Variants in NIPA2 observed in about 807,000 individuals in gnomAD.
NIPA2 encodes the protein magnesium transporter NIPA2.
A neutral mutation model predicts 29.7 loss-of-function variants in NIPA2; 11 were observed. That is an observed-to-expected ratio of 0.37 (90% CI 0.23 to 0.61). The LOEUF is 0.61. Ranked by LOEUF, NIPA2 falls within the 20% of genes least tolerant of loss-of-function variation. NIPA2 has a pLI of 0.66. For synonymous variants in NIPA2, 183 were observed against 161.9 expected, an observed-to-expected ratio of 1.13 and a Z score of -0.99; for missense variants, 426 against 437.9, an observed-to-expected ratio of 0.97 and a Z score of 0.24.
At chr15:22,851,583 C>T (rs1294049120) in intron 3 of NIPA2, 56 bp from the exon 4 acceptor site, 2 of 475,986 alleles carry the variant, frequency 4.2e-6, no homozygotes, top group Non-Finnish European at 7.0e-6. Context: ...TTTTGAATTG[C>T]ATGTGAGCTG....
At chr15:22,858,671 T>G in intron 6 of NIPA2, 41 bp downstream of exon 6, 1 of 1,245,378 alleles carries the variant, frequency 8.0e-7, no homozygotes, top group Non-Finnish European at 1.1e-6. Context: ...AGTCGGTATC[T>G]TAGTTTCTAA....
intron 3 of NIPA2, among the ~76,000 whole-genome samples, chr15:22,848,230 G>C (rs1210548679): frequency 6.6e-6 from 1 of 152,040 alleles, no homozygotes; most frequent in East Asian, 1.9e-4. Flanking sequence ...CATTTTCGTA[G>C]TCCGTATAAC....
Position 22,868,052 on chromosome 15 carries a change from C to T in NIPA2, c.*1205C>T, listed in dbSNP as rs887545776. 7.9e-5 allele frequency: 12 copies of T among 152,364 alleles called. No individual in the cohort carries two copies. The highest frequency in any genetic ancestry group is 2.9e-4 in the African/African-American group (12 of 41,584). The allele number at this position is 152,364 out of a possible 1,614,324, so 9.4% of individuals were successfully genotyped here. On this transcript the variant is annotated 3_prime_UTR_variant, in exon 8 of 8. Transcript: ENST00000337451. ...GCCTGTTCCAGCCTGTGGCTCCTGC[C>T]TGGAGGTTACCCAGTGGTGCGCCAG...
At chr15:22,840,910 CA>C (rs1229569626) in intron 2 of NIPA2, among the ~76,000 whole-genome samples, 3 of 148,220 alleles carry the variant, frequency 2.0e-5, no homozygotes, top group Admixed American at 7.0e-5. Flanking sequence ...TTGAATATTA[CA>C]TTTTTTTATA....
chr15:22,840,130 C>G (rs970552029), intron 2 of NIPA2, among the ~76,000 whole-genome samples: 1 of 151,768 alleles, frequency 6.6e-6, no homozygotes, highest in Non-Finnish European at 1.5e-5. Flanking sequence ...CATGTTACAC[C>G]GGCTGGTCTC....
chr15:22,840,290 G>GTTT (rs59421708), intron 2 of NIPA2, among the ~76,000 whole-genome samples: 54 of 137,778 alleles, frequency 3.9e-4, no homozygotes, highest in Non-Finnish European at 6.2e-4. Flanking sequence ...TCTATATATA[G>GTTT]TTTTTTTTTT....
intron 5 of NIPA2, among the ~76,000 whole-genome samples, chr15:22,857,990 T>C (rs2058328214): frequency 6.6e-6 from 1 of 152,186 alleles, no homozygotes; most frequent in Non-Finnish European, 1.5e-5. Context: ...TATGTCAGCA[T>C]GAGCTAGATT....
At chr15:22,865,342 T>C (rs1053730360) in intron 7 of NIPA2, among the ~76,000 whole-genome samples, 10 of 151,810 alleles carry the variant, frequency 6.6e-5, no homozygotes, top group Non-Finnish European at 1.5e-4. Context: ...AAAAATTAGC[T>C]GGGCGTGTTG....
At chr15:22,862,050 T>TC (rs1491254169) in intron 7 of NIPA2, among the ~76,000 whole-genome samples, 9 of 7,532 alleles carry the variant, frequency 1.2e-3, no homozygotes, top group South Asian at 5.2e-3. Context: ...TGGGTCTCTC[T>TC]TTTTTTTTTT....
chr15:22,857,080 A>G (rs536155450), intron 5 of NIPA2, among the ~76,000 whole-genome samples: 2 of 150,752 alleles, frequency 1.3e-5, no homozygotes, highest in Admixed American at 1.3e-4. Context: ...GTTTTTCTTC[A>G]TAACACTTTT....
chr15:22,851,714 C>A lies in NIPA2; in HGVS notation c.-18C>A, dbSNP rs1247600012. 1.2e-6 allele frequency: 2 copies of A among 1,603,028 alleles called. No homozygotes were observed. The highest frequency in any genetic ancestry group is 8.5e-7 in the Non-Finnish European group (1 of 1,176,322). On this transcript the variant is annotated 5_prime_UTR_variant, in exon 4 of 8. Coordinates refer to ENST00000337451, the MANE Select transcript of NIPA2 (RefSeq NM_030922.7). ...GTGATCAATGTGATTCACAGGAACT[C>A]CTTAAGTAACAAACGAAATGAGCCA...
At chr15:22,843,214 C>T (rs528791999) in intron 2 of NIPA2, among the ~76,000 whole-genome samples, 2 of 152,130 alleles carry the variant, frequency 1.3e-5, no homozygotes, top group South Asian at 2.1e-4. Context: ...CTTAACATCT[C>T]TGGACTTGGG....
Position 22,866,748 on chromosome 15 carries a change from T to C in NIPA2, c.984T>C (p.Tyr328=), listed in dbSNP as rs769838352. The C allele has an allele frequency of 3.1e-6, 5 of 1,613,810 alleles. No individual in the cohort carries two copies. The highest frequency in any genetic ancestry group is 4.2e-6 in the Non-Finnish European group (5 of 1,179,744). ...KAMNGNLSNM[Y]EVLNNNEESL... Reference sequence around the variant, plus strand: ...TGAATGGCAATCTCTCTAATATGTATGAAGTTCTTAATAATAATGAAGAAA... The same window carrying C: ...TGAATGGCAATCTCTCTAATATGTACGAAGTTCTTAATAATAATGAAGAAA... The change falls in exon 8 of 8, where the codon TAT becomes TAC. Residue 328 remains tyrosine, a synonymous_variant. Coordinates refer to ENST00000337451, the MANE Select transcript of NIPA2 (RefSeq NM_030922.7).
rs1285771432 is a variant in NIPA2, at chr15:22,839,798, A to G, written c.-216+8A>G. ...ACCATATTAAACTTACATGTAAGTT[A>G]AAATTGTAATTTATAACTAATATTG... On this transcript the variant is annotated splice_region_variant and intron_variant, in intron 2 of 7. Coordinates refer to ENST00000337451, the MANE Select transcript of NIPA2 (RefSeq NM_030922.7). 1 of 152,228 alleles carries G rather than the reference A, an allele frequency of 6.6e-6. No homozygotes were observed. Among genetic ancestry groups the G allele is most frequent in the East Asian group, 1.9e-4 (1 of 5,204 alleles). 9.4% of individuals were successfully genotyped at this position (152,228 alleles called of 1,614,324 possible).
At chr15:22,848,664 A>G (rs374848042) in intron 3 of NIPA2, among the ~76,000 whole-genome samples, 1 of 147,544 alleles carries the variant, frequency 6.8e-6, no homozygotes, top group East Asian at 2.2e-4. Context: ...CATCTCTACT[A>G]AAAATACAAA....
rs776584856 is a variant in NIPA2, at chr15:22,868,371, ATTC to A, written c.*1527_*1529del. ...ACATGCATAGGTTAATAAATAATAA[ATTC>A]TTATTTAACATTTTGTAGCACTTGA... is the stretch of plus-strand genomic sequence containing the variant. On this transcript the variant is annotated 3_prime_UTR_variant, in exon 8 of 8. Coordinates refer to ENST00000337451, the MANE Select transcript of NIPA2 (RefSeq NM_030922.7). 8 of 147,542 alleles carry A rather than the reference ATTC, an allele frequency of 5.4e-5. No homozygotes were observed. Among genetic ancestry groups the A allele is most frequent in the Non-Finnish European group, 7.6e-5 (5 of 66,100 alleles). 9.1% of individuals were successfully genotyped at this position (147,542 alleles called of 1,614,324 possible).
At chr15:22,866,170 A>C (rs1181440253) in intron 7 of NIPA2, 43 bp from the exon 8 acceptor site, 2 of 1,547,376 alleles carry the variant, frequency 1.3e-6, no homozygotes, top group African/African-American at 1.4e-5. Flanking sequence ...GTTTAAGAAC[A>C]ACCAACCATT....
At chr15:22,842,773 G>A (rs1040412824) in intron 2 of NIPA2, among the ~76,000 whole-genome samples, 1 of 152,060 alleles carries the variant, frequency 6.6e-6, no homozygotes, top group Non-Finnish European at 1.5e-5. Flanking sequence ...AGGTTGCAGT[G>A]AGCCAAGATT....
At chr15:22,861,125 A>G (rs1049596067) in intron 7 of NIPA2, among the ~76,000 whole-genome samples, 2 of 152,096 alleles carry the variant, frequency 1.3e-5, no homozygotes, top group African/African-American at 4.8e-5. Context: ...CTTAGTCTTT[A>G]TTATGGTTGT....
Sources: allele counts gnomAD v4.1 joint callset (sites outside exome capture counted in the v4.1 genomes callset), GRCh38; gene constraint gnomAD v4.1.1; transcripts MANE v1.5; gene names NCBI Gene and HGNC (gene_info 2026-07-23, HGNC 2026-07-21).